KANK1: variants seen among roughly 807,000 people sequenced by gnomAD.
The protein encoded by KANK1 is KN motif and ankyrin repeat domain-containing protein 1.
In KANK1, 109 loss-of-function variants were observed where a neutral mutation model predicts 106.2. The ratio of observed to expected loss-of-function variants is 1.03; its 90% CI spans 0.88 to 1.20. KANK1 has a LOEUF of 1.20. Ranked by LOEUF, KANK1 falls within the 50% of genes most tolerant of loss-of-function variation. The pLI, the probability that KANK1 is intolerant of heterozygous loss-of-function variation, is 0.00. For missense variants in KANK1, 2,399 were observed against 1,710.7 expected (o/e 1.40, Z -7.10); for synonymous variants, 873 against 652.2 (o/e 1.34, Z -5.16).
Position 625,292 on chromosome 9 carries a change from G to A in KANK1, c.-83-51598G>A, listed in dbSNP as rs149028495. ...TAGGGCCAGCCCCCAGATAAAAACC[G>A]TTAAGTATTTATCTGTAAGCCAGAG... On this transcript the variant is annotated intron_variant, in intron 1 of 11. Transcript: ENST00000382297. 5.9e-5 allele frequency among the ~76,000 whole-genome samples: 9 copies of A among 152,274 alleles called. No homozygotes were observed. In the South Asian group the frequency reaches 1.0e-3, roughly 18 times the overall value.
intron 1 of KANK1, among the ~76,000 whole-genome samples, chr9:543,032 T>C (rs1001595105): frequency 2.6e-5 from 4 of 152,222 alleles, no homozygotes; most frequent in Non-Finnish European, 5.9e-5. Flanking sequence ...TCTCAAATGT[T>C]CTCACCACAA....
intron 1 of KANK1, among the ~76,000 whole-genome samples, chr9:575,188 G>C (rs985076198): frequency 1.3e-5 from 2 of 152,184 alleles, no homozygotes; most frequent in African/African-American, 4.8e-5. Flanking sequence ...CTGATACTTG[G>C]TAATGTCCTT....
At chr9:505,840 C>T (rs2058732689) in intron 1 of KANK1, among the ~76,000 whole-genome samples, 1 of 152,178 alleles carries the variant, frequency 6.6e-6, no homozygotes, top group South Asian at 2.1e-4. Flanking sequence ...ACCGTCATTG[C>T]CCCCCACCTC....
At chr9:737,573 T>C (rs1191834614) in intron 7 of KANK1, among the ~76,000 whole-genome samples, 1 of 152,186 alleles carries the variant, frequency 6.6e-6, no homozygotes, top group Non-Finnish European at 1.5e-5. Context: ...GCCTTCTTCA[T>C]GTGTCCACAG....
intron 3 of KANK1, among the ~76,000 whole-genome samples, chr9:477,384 G>C (rs897720406): frequency 6.6e-6 from 1 of 151,860 alleles, no homozygotes; most frequent in East Asian, 1.9e-4. Flanking sequence ...TCAGAGGTTG[G>C]AGATAAAGAA....
At chr9:486,720 T>C (rs1025432753) in intron 3 of KANK1, among the ~76,000 whole-genome samples, 1 of 152,218 alleles carries the variant, frequency 6.6e-6, no homozygotes. Flanking sequence ...TCTGAACTTA[T>C]ATTTCCGTCA....
At chr9:651,844 A>G (rs796689368) in intron 1 of KANK1, among the ~76,000 whole-genome samples, 12 of 152,368 alleles carry the variant, frequency 7.9e-5, no homozygotes, top group African/African-American at 2.9e-4. Context: ...GTTTTATAAA[A>G]TATAAATTGC....
intron 3 of KANK1, among the ~76,000 whole-genome samples, chr9:495,968 A>AACACACAC (rs33961058): frequency 6.7e-6 from 1 of 149,744 alleles, no homozygotes; most frequent in East Asian, 2.0e-4. Context: ...AGCATAATTA[A>AACACACAC]ACACACACAC....
At chr9:705,168 CA>C (rs1388923571) in intron 2 of KANK1, among the ~76,000 whole-genome samples, 1 of 152,048 alleles carries the variant, frequency 6.6e-6, no homozygotes, top group African/African-American at 2.4e-5. Context: ...TTCAGAGCAT[CA>C]AGATGTTTTT....
rs532854366 is a variant in KANK1, at chr9:709,409, G to C, written c.38-1395G>C. Among the ~76,000 whole-genome samples, 5 of 152,294 alleles carry C rather than the reference G, an allele frequency of 3.3e-5. No homozygotes were observed. The South Asian group carries it at 6.2e-4, about 19-fold the overall frequency. ...GACCTCCATTTAGAAAGGCAGCCCA[G>C]TCTGCAAAAGACAGCAGCAGGGACA... On this transcript the variant is annotated intron_variant, in intron 2 of 11. Transcript: ENST00000382297.
rs74458120 is a variant in KANK1, at chr9:731,212, A to C, written c.2951A>C (p.Asn984Thr). 6.2e-7 allele frequency: 1 copy of C among 1,612,564 alleles called. No individual in the cohort carries two copies. Among genetic ancestry groups the C allele is most frequent in the East Asian group, 2.2e-5 (1 of 44,864 alleles). The change falls in exon 5 of 12, where the codon AAC (asparagine) becomes ACC (threonine). Residue 984 changes from asparagine (N) to threonine (T), a missense_variant. Asn to Thr is a moderately conservative substitution (Grantham distance 65). Coordinates refer to ENST00000382297, the MANE Select transcript of KANK1 (RefSeq NM_015158.5). Reference sequence around the variant, plus strand: ...TCCATCATGAAGAAGAAAGATGGTAACAAAGATTCAAATGGCGCAAAAAAG... The same window carrying C: ...TCCATCATGAAGAAGAAAGATGGTACCAAAGATTCAAATGGCGCAAAAAAG... ...LKSIMKKKDG[N>T]KDSNGAKKNL...
chr9:510,058 C>T (rs887235081), intron 1 of KANK1, among the ~76,000 whole-genome samples: 4 of 151,976 alleles, frequency 2.6e-5, no homozygotes, highest in African/African-American at 9.7e-5. Flanking sequence ...ACAATCCTCC[C>T]TCCTTGCCCT....
At chr9:558,551 C>G (rs925456269) in intron 1 of KANK1, among the ~76,000 whole-genome samples, 1 of 152,130 alleles carries the variant, frequency 6.6e-6, no homozygotes, top group Admixed American at 6.5e-5. Flanking sequence ...TATCTCATGC[C>G]TAAATGAAGC....
At chr9:674,349 C>G (rs1053325056) in intron 1 of KANK1, 7 of 149,448 alleles carry the variant, frequency 4.7e-5, no homozygotes, top group Non-Finnish European at 1.0e-4. Context: ...GCTGGAAAAG[C>G]CACGCAGCGG....
Position 524,077 on chromosome 9 carries a change from T to C in KANK1, c.-84+19323T>C, listed in dbSNP as rs548190980. ...TCAGAACCCATTATGTGAGGAAATA[T>C]ATATTTCAGTTCACTGTTAGGAAAA... is the stretch of plus-strand genomic sequence containing the variant. On this transcript the variant is annotated intron_variant, in intron 1 of 11. Coordinates refer to ENST00000382297, the MANE Select transcript of KANK1 (RefSeq NM_015158.5). 2.6e-5 allele frequency among the ~76,000 whole-genome samples: 4 copies of C among 151,806 alleles called. No homozygotes were observed. In the South Asian group the frequency reaches 6.2e-4, roughly 24 times the overall value.
chr9:488,532 C>A (rs1168468440), intron 3 of KANK1, among the ~76,000 whole-genome samples: 1 of 152,192 alleles, frequency 6.6e-6, no homozygotes, highest in Non-Finnish European at 1.5e-5. Flanking sequence ...GTTGTTTGAA[C>A]TCGAACACAT....
chr9:646,441 C>T (rs943844346), intron 1 of KANK1, among the ~76,000 whole-genome samples: 2 of 150,996 alleles, frequency 1.3e-5, no homozygotes, highest in Admixed American at 6.6e-5. Flanking sequence ...TAAGCTTTCC[C>T]AATGGTACAT....
intron 1 of KANK1, among the ~76,000 whole-genome samples, chr9:585,509 G>C (rs896376333): frequency 1.3e-5 from 2 of 152,114 alleles, no homozygotes; most frequent in African/African-American, 4.8e-5. Context: ...AAAGGCCTAT[G>C]AATTTCAAAA....
chr9:633,165 A>T (rs1836187815), intron 1 of KANK1, among the ~76,000 whole-genome samples: 1 of 151,410 alleles, frequency 6.6e-6, no homozygotes, highest in African/African-American at 2.4e-5. Context: ...ATTGATAAGA[A>T]CCCAACCCTT....
Sources: gnomAD v4.1 joint callset for allele counts (sites outside exome capture counted in the v4.1 genomes callset) on GRCh38, gnomAD v4.1.1 for gene constraint, MANE v1.5 for transcripts, NCBI Gene and HGNC (gene_info 2026-07-23, HGNC 2026-07-21) for gene names.